TNRC18: variants seen among roughly 807,000 people sequenced by gnomAD.
TNRC18 encodes the protein trinucleotide repeat-containing gene 18 protein.
In TNRC18, 69 loss-of-function variants were observed where a neutral mutation model predicts 226.7. The observed-to-expected ratio is 0.30, with a 90% CI of 0.25 to 0.37. The LOEUF (loss-of-function observed/expected upper bound fraction) is 0.37. TNRC18 is among the 10% of genes least tolerant of loss of function. The pLI is 1.00. For missense variants in TNRC18, 4,754 were observed against 4,256.6 expected (o/e 1.12, Z -3.25); for synonymous variants, 2,449 against 1,927.6 (o/e 1.27, Z -7.09).
At chr7:5,419,647 C>A (rs1168039781) in intron 2 of TNRC18, among the ~76,000 whole-genome samples, 1 of 152,216 alleles carries the variant, frequency 6.6e-6, no homozygotes, top group East Asian at 1.9e-4. Flanking sequence ...GCGGAATACG[C>A]CCCCAGCTCC....
At chr7:5,420,166 G>A in intron 2 of TNRC18, 1 of 332,238 alleles carries the variant, frequency 3.0e-6, no homozygotes, top group Admixed American at 4.3e-5. Flanking sequence ...CCGCCCCGGC[G>A]CAGCGCCCGC....
At chr7:5,346,490 C>CA (rs957886229) in intron 17 of TNRC18, among the ~76,000 whole-genome samples, 4 of 152,166 alleles carry the variant, frequency 2.6e-5, no homozygotes, top group Non-Finnish European at 5.9e-5. Context: ...GAGTGAGACT[C>CA]AGTCTCAAAA....
At position 5,315,071 on chromosome 7, in the gene TNRC18, C is replaced by T. The variant is rs1162754094; in HGVS notation, c.6940G>A (p.Gly2314Ser). The T allele has an allele frequency of 7.4e-6, 12 of 1,612,364 alleles. No homozygotes were observed. The highest frequency in any genetic ancestry group is 1.0e-5 in the Non-Finnish European group (12 of 1,179,462). Reference sequence around the variant, plus strand: ...GACCCAGCCGTGCCACCATCTTTGCCCTCCCCAGTGTCTTTGCTGGTCTTC... The same window carrying T: ...GACCCAGCCGTGCCACCATCTTTGCTCTCCCCAGTGTCTTTGCTGGTCTTC... ...SRKTSKDTGE[G>S]KDGGTAGSEE... The change falls in exon 26 of 30, where the codon GGC (glycine) becomes AGC (serine). Residue 2314 changes from glycine to serine, a missense_variant. By Grantham distance (56) the Gly-to-Ser change is moderately conservative. Transcript: ENST00000430969.
At chr7:5,337,767 G>A (rs1790274616) in intron 18 of TNRC18, among the ~76,000 whole-genome samples, 1 of 152,042 alleles carries the variant, frequency 6.6e-6, no homozygotes, top group Non-Finnish European at 1.5e-5. Context: ...GGTGGATCAT[G>A]AGCTCAGGAG....
intron 17 of TNRC18, among the ~76,000 whole-genome samples, chr7:5,350,910 G>T (rs1791733388): frequency 1.3e-5 from 2 of 152,210 alleles, no homozygotes; most frequent in South Asian, 4.1e-4. Context: ...GGGTGTCAAA[G>T]GCTCTGGGCC....
chr7:5,379,263 A>C (rs1009688656), intron 5 of TNRC18, among the ~76,000 whole-genome samples: 2 of 151,894 alleles, frequency 1.3e-5, no homozygotes, highest in African/African-American at 4.8e-5. Flanking sequence ...GGTGGCATGC[A>C]CCGGTAGTCC....
intron 18 of TNRC18, 45 bp downstream of exon 18, chr7:5,345,517 G>GGGGGGGGGGGGGCCCCCCCC: frequency 5.3e-6 from 2 of 377,744 alleles, no homozygotes; most frequent in Non-Finnish European, 9.7e-6. Flanking sequence ...AATGGCGTCC[G>GGGGGGGGGGGGGCCCCCCCC]CCCCTCCCAC....
intron 18 of TNRC18, among the ~76,000 whole-genome samples, chr7:5,335,845 A>AT (rs1790047142): frequency 2.4e-3 from 79 of 32,380 alleles, no homozygotes; most frequent in African/African-American, 5.0e-3. Flanking sequence ...GAAAAAAAAA[A>AT]AAAAAAAAAA....
At chr7:5,398,248 GCACCTTC>G (rs550900101) in intron 2 of TNRC18, among the ~76,000 whole-genome samples, 52 of 151,800 alleles carry the variant, frequency 3.4e-4, no homozygotes, top group African/African-American at 1.2e-3. Flanking sequence ...TCGGCTCACC[GCACCTTC>G]CGCCACCCGG....
chr7:5,328,701 G>A (rs1174292899), intron 19 of TNRC18, among the ~76,000 whole-genome samples: 10 of 152,010 alleles, frequency 6.6e-5, no homozygotes, highest in African/African-American at 7.2e-5. Flanking sequence ...TAGTAGAGGC[G>A]GGGTTTCACC....
intron 16 of TNRC18, among the ~76,000 whole-genome samples, chr7:5,356,570 T>C (rs535833303): frequency 2.6e-5 from 4 of 152,352 alleles, no homozygotes; most frequent in African/African-American, 9.6e-5. Context: ...GCAAACTCTA[T>C]GACGCACAAG....
At chr7:5,419,109 C>T (rs560387481) in intron 2 of TNRC18, among the ~76,000 whole-genome samples, 116 of 152,378 alleles carry the variant, frequency 7.6e-4, no homozygotes, top group African/African-American at 2.8e-3. Flanking sequence ...GGCTCCGAGG[C>T]TACCTCCCGC....
intron 2 of TNRC18, among the ~76,000 whole-genome samples, chr7:5,401,085 T>A (rs2128208936): frequency 6.6e-6 from 1 of 152,142 alleles, no homozygotes; most frequent in East Asian, 1.9e-4. Flanking sequence ...GGCTCACGCC[T>A]GTAATCCCAA....
At chr7:5,347,189 A>T (rs4073801) in intron 17 of TNRC18, among the ~76,000 whole-genome samples, 38,514 of 131,996 alleles carry the variant, frequency 0.29, 5,753 homozygotes, top group Non-Finnish European at 0.33. Flanking sequence ...AAAAAAAAAA[A>T]TTTTTTTTTT....
At chr7:5,353,589 G>A (rs1025077172) in intron 16 of TNRC18, among the ~76,000 whole-genome samples, 3 of 150,068 alleles carry the variant, frequency 2.0e-5, no homozygotes, top group Non-Finnish European at 4.4e-5. Context: ...AAACCCACAG[G>A]GCATGCCAGC....
At position 5,388,730 on chromosome 7, in the gene TNRC18, C is replaced by A; in HGVS notation, c.1094G>T (p.Arg365Leu). ...GGTGGGCGCCACCACGCGGTGCTCA[C>A]GGCCCTGCTCGCGGAAGACGGTGTA... Reference protein sequence around the residue: ...GVYTVFREQGREHRVVAPTFV... With the variant: ...GVYTVFREQGLEHRVVAPTFV... The change falls in exon 5 of 30, where the codon CGT becomes CTT. Residue 365 changes from arginine to leucine, a missense_variant. Physicochemically the swap from Arg to Leu is moderately radical, Grantham distance 102 (BLOSUM62 -2). Coordinates refer to ENST00000430969, the MANE Select transcript of TNRC18 (RefSeq NM_001080495.3). The A allele has an allele frequency of 8.0e-7, 1 of 1,256,534 alleles. No individual in the cohort carries two copies. The allele number at this position is 1,256,534 out of a possible 1,614,324, so 77.8% of individuals were successfully genotyped here. A position where few individuals can be genotyped will look rare whatever the true frequency, so the allele number is the denominator to read the frequency against.
intron 18 of TNRC18, among the ~76,000 whole-genome samples, chr7:5,340,119 G>A (rs1474917084): frequency 1.3e-5 from 2 of 152,206 alleles, no homozygotes; most frequent in African/African-American, 4.8e-5. Flanking sequence ...GCTTAAGCCA[G>A]TCAAAAGCCA....
In TNRC18 at chr7:5,312,956, C is replaced by G. The variant is rs191091261; in HGVS notation, c.7935G>C (p.Ser2645=). ...AGGAGGAGGAGGAAGAGGAGGAAGA[C>G]GAAGAGGAAGAGGAGGAGGAGGAAG... ...SSSSSSSSSS[S]SSSSSSSSSS... is the part of the protein sequence containing the mutation. Residue 2645 remains serine, a synonymous_variant, in exon 27 of 30, where the codon TCG becomes TCC. Coordinates refer to ENST00000430969, the MANE Select transcript of TNRC18 (RefSeq NM_001080495.3). The surrounding 1 kb of genome is among the most constrained non-coding windows in gnomAD (Gnocchi z 6.3). 1.2e-5 allele frequency: 15 copies of G among 1,241,730 alleles called. No individual in the cohort carries two copies. Among genetic ancestry groups the G allele is most frequent in the Middle Eastern group, 2.7e-4 (1 of 3,772 alleles). 76.9% of individuals were successfully genotyped at this position (1,241,730 alleles called of 1,614,324 possible). A position where few individuals can be genotyped will look rare whatever the true frequency, so the allele number is the denominator to read the frequency against.
In TNRC18 at chr7:5,321,202, G is replaced by A; in HGVS notation, c.6443-12C>T. ...GCAGGAGCGAGGGGCTGCAGGGGTT[G>A]GATCGTGAGGCGAGGCTGGAGCCGG... On this transcript the variant is annotated splice_polypyrimidine_tract_variant and intron_variant, in intron 21 of 29. Transcript: ENST00000430969. 6.5e-7 allele frequency: 1 copy of A among 1,528,910 alleles called. No homozygotes were observed. The highest frequency in any genetic ancestry group is 8.8e-7 in the Non-Finnish European group (1 of 1,131,178). The allele number at this position is 1,528,910 out of a possible 1,614,324, so 94.7% of individuals were successfully genotyped here.
Sources: allele counts gnomAD v4.1 joint callset (sites outside exome capture counted in the v4.1 genomes callset), GRCh38; gene constraint gnomAD v4.1.1; non-coding constraint Gnocchi (gnomAD v3.1); transcripts MANE v1.5; gene names NCBI Gene and HGNC (gene_info 2026-07-23, HGNC 2026-07-21).